Variants in GLYATL1 observed in about 807,000 individuals in gnomAD.
GLYATL1 encodes the protein glycine-N-acyltransferase like 1.
Under a neutral mutation model 20.0 loss-of-function variants are expected in GLYATL1, and 15 were observed. That is an observed-to-expected ratio of 0.75 (90% CI 0.50 to 1.15). The LOEUF is 1.15. GLYATL1 is among the 50% of genes most tolerant of loss of function. GLYATL1 has a pLI of 0.00. For synonymous variants in GLYATL1, 151 were observed against 131.5 expected (o/e 1.15, Z -1.01); for missense variants, 380 against 368.5 (o/e 1.03, Z -0.26).
intron 2 of GLYATL1, among the ~76,000 whole-genome samples, chr11:58,945,407 G>A (rs933928359): frequency 3.9e-5 from 6 of 152,112 alleles, no homozygotes; most frequent in Admixed American, 1.3e-4. Context: ...TTAAGTATGA[G>A]GAGAGGCCCT....
intron 1 of GLYATL1, among the ~76,000 whole-genome samples, chr11:58,932,355 A>G (rs1391560491): frequency 6.6e-6 from 1 of 152,166 alleles, no homozygotes; most frequent in African/African-American, 2.4e-5. Context: ...TGGTACAACC[A>G]TTTTGTAAAA....
downstream of GLYATL1, among the ~76,000 whole-genome samples, chr11:58,910,207 T>C (rs1477533273): frequency 6.6e-6 from 1 of 152,198 alleles, no homozygotes; most frequent in Non-Finnish European, 1.5e-5. Context: ...GGAAAATAGC[T>C]GCAGTATCTT....
intron 1 of GLYATL1, chr11:58,916,915 A>G (rs750701066): frequency 3.9e-5 from 6 of 152,204 alleles, no homozygotes; most frequent in African/African-American, 9.7e-5. Flanking sequence ...AATATCCTCT[A>G]GAGGTTTCTC....
intron 1 of GLYATL1, among the ~76,000 whole-genome samples, chr11:58,931,549 C>T (rs1341563015): frequency 6.6e-6 from 1 of 152,130 alleles, no homozygotes; most frequent in Non-Finnish European, 1.5e-5. Flanking sequence ...GAAAGTGATA[C>T]CTACTTCAAG....
rs77991464 is a variant in GLYATL1, at chr11:58,941,820, C to T, written c.-166-1723C>T. Among the ~76,000 whole-genome samples the T allele has an allele frequency of 2.7e-4, 41 of 152,268 alleles. 2 individuals are homozygous for T. The East Asian group carries it at 7.9e-3, about 29-fold the overall frequency. ...AGAGAACTGTTATAAACAATTTGTACCTCTTTCTCTAAATGAGATTGGGAG... is the reference window on the plus strand; with the variant it reads ...AGAGAACTGTTATAAACAATTTGTATCTCTTTCTCTAAATGAGATTGGGAG... On this transcript the variant is annotated intron_variant, in intron 1 of 6. Coordinates refer to ENST00000532726, the MANE Select transcript of GLYATL1 (RefSeq NM_001389712.2).
rs1857298029 is a variant in GLYATL1, at chr11:58,955,177, TCTTC to T, written c.316_319del (p.Leu106LysfsTer4). 1.2e-6 allele frequency: 2 copies of T among 1,612,094 alleles called. No homozygotes were observed. The highest frequency in any genetic ancestry group is 1.7e-6 in the Non-Finnish European group (2 of 1,179,278). ...TTGCTTTCTTGGCTTTCTTCCCAGG[TCTTC>T]AAGAAAGTTTAGGTGAGGGGATAAG... is the stretch of plus-strand genomic sequence containing the variant. On this transcript the variant is annotated frameshift_variant and splice_region_variant, in exon 6 of 7. Transcript: ENST00000532726. LOFTEE classifies it high-confidence loss of function.
intron 2 of GLYATL1, among the ~76,000 whole-genome samples, chr11:58,945,609 A>G (rs1478985453): frequency 1.3e-5 from 2 of 152,152 alleles, no homozygotes; most frequent in Non-Finnish European, 2.9e-5. Flanking sequence ...TAAAACTTTT[A>G]AAATCTTGAC....
At chr11:58,908,038 C>T (rs1186435568) in exon 2 of GLYATL1, 1 of 152,700 alleles carries the variant, frequency 6.5e-6, no homozygotes, top group Non-Finnish European at 1.5e-5. Context: ...TTTCATTATA[C>T]TCATGCATTG....
In GLYATL1 at chr11:58,943,605, C is replaced by T. The variant is rs139916900; in HGVS notation, c.-104C>T. 83 of 1,613,414 alleles carry T rather than the reference C, an allele frequency of 5.1e-5. No individual in the cohort carries two copies. Among genetic ancestry groups the T allele is most frequent in the African/African-American group, 2.7e-5 (2 of 74,884 alleles). ...TATCCCCAGGAGCGCGAAGTGAACA[C>T]GGAAGGTACCTGCAGGATCCAATTG... On this transcript the variant is annotated 5_prime_UTR_variant, in exon 2 of 7. It adds an upstream start codon to the 5' untranslated region. Transcript: ENST00000532726.
At chr11:58,907,326 T>C in exon 2 of GLYATL1, 1 of 456,302 alleles carries the variant, frequency 2.2e-6, no homozygotes. Flanking sequence ...CCAATTGTCT[T>C]TGTCTTGCTG....
At chr11:58,938,268 C>CT, upstream of GLYATL1, among the ~76,000 whole-genome samples, 1 of 152,242 alleles carries the variant, frequency 6.6e-6, no homozygotes, top group Middle Eastern at 3.4e-3. Flanking sequence ...AATTTGGGAA[C>CT]TTTTTTGAAA....
chr11:58,945,721 G>A (rs1332145456), intron 2 of GLYATL1, among the ~76,000 whole-genome samples: 1 of 152,026 alleles, frequency 6.6e-6, no homozygotes, highest in Non-Finnish European at 1.5e-5. Context: ...GAGATGGGGG[G>A]AAGAAAAAGA....
In GLYATL1 at chr11:58,955,120, A is replaced by G. The variant is rs570743487; in HGVS notation, c.314-56A>G. 1.6e-5 allele frequency: 24 copies of G among 1,497,396 alleles called. No homozygotes were observed. In the Admixed American group the frequency reaches 3.0e-4, roughly 19 times the overall value. The allele number at this position is 1,497,396 out of a possible 1,614,324, so 92.8% of individuals were successfully genotyped here. A position where few individuals can be genotyped will look rare whatever the true frequency, so the allele number is the denominator to read the frequency against. On this transcript the variant is annotated intron_variant, in intron 5 of 6. Coordinates refer to ENST00000532726, the MANE Select transcript of GLYATL1 (RefSeq NM_001389712.2). Reference sequence around the variant, plus strand: ...ACTGAGGTATTAATCAGGTGGGAGCAGTGTAAGTAGAGAACTCCATGTCTG... The same window carrying G: ...ACTGAGGTATTAATCAGGTGGGAGCGGTGTAAGTAGAGAACTCCATGTCTG...
downstream of GLYATL1, among the ~76,000 whole-genome samples, chr11:58,911,608 C>T (rs563778159): frequency 1.3e-5 from 2 of 152,266 alleles, no homozygotes; most frequent in East Asian, 3.9e-4. Context: ...ATCCACATAT[C>T]TTCTTTGGTG....
intron 1 of GLYATL1, among the ~76,000 whole-genome samples, chr11:58,915,368 C>T (rs1015393362): frequency 6.6e-6 from 1 of 152,178 alleles, no homozygotes; most frequent in African/African-American, 2.4e-5. Flanking sequence ...AGAGCCGGGT[C>T]CTCCTTTCCC....
intron 4 of GLYATL1, among the ~76,000 whole-genome samples, 186 bp downstream of exon 4, chr11:58,948,151 C>G (rs541312): frequency 6.6e-6 from 1 of 152,046 alleles, no homozygotes; most frequent in Admixed American, 6.5e-5. Flanking sequence ...AGCATAGGAC[C>G]CTTCTGGGAA....
upstream of GLYATL1, among the ~76,000 whole-genome samples, chr11:58,925,243 C>T (rs1855401036): frequency 6.6e-6 from 1 of 152,062 alleles, no homozygotes; most frequent in African/African-American, 2.4e-5. Flanking sequence ...GTCTAGTTTA[C>T]AGAAAAAAAC....
intron 5 of GLYATL1, 111 bp downstream of exon 5, chr11:58,955,007 C>T: frequency 7.6e-7 from 1 of 1,307,576 alleles, no homozygotes; most frequent in Non-Finnish European, 1.1e-6. Flanking sequence ...CACAGAAACT[C>T]TGGGGACTGG....
chr11:58,917,892 T>G (rs1284932422), intron 1 of GLYATL1, among the ~76,000 whole-genome samples: 2 of 152,208 alleles, frequency 1.3e-5, no homozygotes, highest in African/African-American at 4.8e-5. Context: ...GGGTCCAGGT[T>G]TTGCCTGTTA....
Sources: allele counts gnomAD v4.1 joint callset (sites outside exome capture counted in the v4.1 genomes callset), GRCh38; gene constraint gnomAD v4.1.1; transcripts MANE v1.5; gene names NCBI Gene and HGNC (gene_info 2026-07-23, HGNC 2026-07-21).